The following ADAMTS19 variants were observed in gnomAD, a reference collection of about 807,000 sequenced individuals.
The protein encoded by ADAMTS19 is ADAM metallopeptidase with thrombospondin type 1 motif 19.
In ADAMTS19, 93 loss-of-function variants were observed where a neutral mutation model predicts 153.3. That is an observed-to-expected ratio of 0.61 (90% CI 0.51 to 0.72). The LOEUF is 0.72. Among genes scored for constraint, ADAMTS19 ranks in the 30% least tolerant of loss-of-function variants. ADAMTS19 has a pLI of 0.00. For missense variants in ADAMTS19, 1,482 were observed against 1,552.1 expected (o/e 0.95, Z 0.76); for synonymous variants, 600 against 556.6 (o/e 1.08, Z -1.10).
intron 2 of ADAMTS19, among the ~76,000 whole-genome samples, chr5:129,472,799 T>G (rs2126654282): frequency 6.7e-6 from 1 of 150,204 alleles, no homozygotes; most frequent in South Asian, 2.1e-4. Context: ...TACAATTTTA[T>G]ATTTATGTAT....
intron 7 of ADAMTS19, among the ~76,000 whole-genome samples, chr5:129,565,945 T>G (rs999956410): frequency 1.3e-5 from 2 of 152,142 alleles, no homozygotes; most frequent in Admixed American, 6.5e-5. Context: ...GTTTTTTTCC[T>G]TTTTGTTTAA....
At chr5:129,618,367 A>T (rs1751623982) in intron 8 of ADAMTS19, among the ~76,000 whole-genome samples, 1 of 152,036 alleles carries the variant, frequency 6.6e-6, no homozygotes, top group South Asian at 2.1e-4. Flanking sequence ...TTCTAACACC[A>T]AAAGTGAAAA....
intron 7 of ADAMTS19, among the ~76,000 whole-genome samples, chr5:129,571,622 T>C (rs1206781621): frequency 6.6e-6 from 1 of 151,704 alleles, no homozygotes; most frequent in African/African-American, 2.4e-5. Flanking sequence ...ACATTTAACA[T>C]AATGCAAATA....
Position 129,686,697 on chromosome 5 carries a change from G to T in ADAMTS19, c.2818+2424G>T, listed in dbSNP as rs368938223. 5.3e-5 allele frequency among the ~76,000 whole-genome samples: 8 copies of T among 152,168 alleles called. No individual in the cohort carries two copies. The East Asian group carries it at 1.5e-3, about 29-fold the overall frequency. On this transcript the variant is annotated intron_variant, in intron 18 of 22. Transcript: ENST00000274487. ...TGGGAAGGAGCATCCTTTGGCAGAG[G>T]GCTCAGAGCTTTGAGGTTCTCACCT...
In ADAMTS19 at chr5:129,532,728, A is replaced by G. The variant is rs192908358; in HGVS notation, c.1328+4051A>G. Among the ~76,000 whole-genome samples the G allele has an allele frequency of 2.6e-3, 396 of 152,284 alleles. 3 individuals are homozygous for G. The highest frequency in any genetic ancestry group is 9.0e-3 in the African/African-American group (376 of 41,574). On this transcript the variant is annotated intron_variant, in intron 6 of 22. Transcript: ENST00000274487. ...TTTTCATCTACAGGTGAATGGATGT[A>G]TTGTGTGATCATACAATTGAATACT...
At chr5:129,702,450 A>T (rs972142998) in intron 20 of ADAMTS19, among the ~76,000 whole-genome samples, 1 of 152,170 alleles carries the variant, frequency 6.6e-6, no homozygotes, top group Non-Finnish European at 1.5e-5. Context: ...AATGATAATT[A>T]AAAAATGCTG....
rs536433925 is a variant in ADAMTS19 at position 129,461,188 on chromosome 5, A to C, written c.178A>C (p.Ser60Arg). Reference sequence around the variant, plus strand: ...GGAGCCGGTGGACCCGGCTGGCGGCAGCGGGGGCAGCGCGGACCCGGGCTG... The same window carrying C: ...GGAGCCGGTGGACCCGGCTGGCGGCCGCGGGGGCAGCGCGGACCCGGGCTG... Reference protein sequence around the residue: ...RREPVDPAGGSGGSADPGWVR... With the variant: ...RREPVDPAGGRGGSADPGWVR... The change falls in exon 2 of 23, where the codon AGC (serine) becomes CGC (arginine). Residue 60 changes from serine (S) to arginine (R), a missense_variant. By Grantham distance (110) the Ser-to-Arg change is moderately radical. Coordinates refer to ENST00000274487, the MANE Select transcript of ADAMTS19 (RefSeq NM_133638.6). This position sits in a 1 kb window ranked among gnomAD's most constrained non-coding sequence, Gnocchi z 4.6. The C allele has an allele frequency of 1.7e-3, 2,244 of 1,354,438 alleles. 4 individuals carry two copies. The highest frequency in any genetic ancestry group is 2.0e-3 in the Non-Finnish European group (2,098 of 1,052,510). 83.9% of individuals were successfully genotyped at this position (1,354,438 alleles called of 1,614,324 possible).
chr5:129,461,368 G>A lies in ADAMTS19; in HGVS notation c.358G>A (p.Asp120Asn), dbSNP rs1749649092. Residue 120 changes from aspartate (D) to asparagine (N), a missense_variant, in exon 2 of 23, where the codon GAC (aspartate) becomes AAC (asparagine). Physicochemically the swap from Asp to Asn is conservative, Grantham distance 23 (BLOSUM62 1). Around this residue, in one of 2 missense-constraint regions of ADAMTS19, gnomAD observed 866 missense variants for 827.7 expected, o/e 1.05. Transcript: ENST00000274487. The surrounding 1 kb of genome is among the most constrained non-coding windows in gnomAD (Gnocchi z 4.6). ...CCCGCCGCCGTCGGAGGGTGAGGAG[G>A]ACGAGGAGCTCGAGTCGCAGGAGCT... ...RPPPPSEGEE[D>N]EELESQELPR... 12 of 1,347,312 alleles carry A rather than the reference G, an allele frequency of 8.9e-6. No homozygotes were observed. Among genetic ancestry groups the A allele is most frequent in the Non-Finnish European group, 1.1e-5 (12 of 1,060,220 alleles). The allele number at this position is 1,347,312 out of a possible 1,614,324, so 83.5% of individuals were successfully genotyped here. A position where few individuals can be genotyped will look rare whatever the true frequency, so the allele number is the denominator to read the frequency against.
intron 11 of ADAMTS19, among the ~76,000 whole-genome samples, chr5:129,645,885 A>ATTTTTTTTTTTTTTTTT (rs529444004): frequency 3.0e-4 from 29 of 97,094 alleles, no homozygotes; most frequent in African/African-American, 8.0e-4. Context: ...TCCTTTTCCA[A>ATTTTTTTTTTTTTTTTT]TTTTTTTTTT....
intron 7 of ADAMTS19, among the ~76,000 whole-genome samples, chr5:129,574,379 G>T (rs1318661450): frequency 6.6e-6 from 1 of 151,876 alleles, no homozygotes; most frequent in Non-Finnish European, 1.5e-5. Context: ...GTGCCATGGT[G>T]GTTTCTGCAC....
At chr5:129,477,310 C>A (rs749966566) in intron 2 of ADAMTS19, among the ~76,000 whole-genome samples, 3 of 152,132 alleles carry the variant, frequency 2.0e-5, no homozygotes, top group Non-Finnish European at 4.4e-5. Context: ...AAATAGATTT[C>A]ATTACTAATT....
chr5:129,679,916 C>T lies in ADAMTS19; in HGVS notation c.2659C>T (p.Leu887Phe). 1 of 1,612,280 alleles carries T rather than the reference C, an allele frequency of 6.2e-7. No homozygotes were observed. The highest frequency in any genetic ancestry group is 8.5e-7 in the Non-Finnish European group (1 of 1,179,350). ...AKGPTTAPLHLLVLLFQDQNY... is the reference protein window; with the variant it reads ...AKGPTTAPLHFLVLLFQDQNY... ...AGGTCCTACTACAGCACCTTTACAT[C>T]TTCTGGTATGAGGGAATGAATTGAT... Residue 887 changes from leucine (L) to phenylalanine (F), a missense_variant, in exon 17 of 23, where the codon CTT becomes TTT. Leu to Phe is a conservative substitution (Grantham distance 22). Coordinates refer to ENST00000274487, the MANE Select transcript of ADAMTS19 (RefSeq NM_133638.6).
intron 21 of ADAMTS19, among the ~76,000 whole-genome samples, chr5:129,711,411 CA>C (rs1348129274): frequency 6.6e-6 from 1 of 152,116 alleles, no homozygotes; most frequent in Admixed American, 6.5e-5. Context: ...CACGGTGGCT[CA>C]CGCCTGTAAT....
At chr5:129,663,448 G>C (rs1753907588) in intron 15 of ADAMTS19, among the ~76,000 whole-genome samples, 1 of 152,158 alleles carries the variant, frequency 6.6e-6, no homozygotes, top group Admixed American at 6.5e-5. Flanking sequence ...AAATTGCAAA[G>C]CCAAATTTAT....
chr5:129,528,462 G>T (rs1274162310), intron 5 of ADAMTS19, 58 bp from the exon 6 acceptor site: 6 of 1,327,564 alleles, frequency 4.5e-6, no homozygotes, highest in African/African-American at 1.5e-5. Context: ...TGTTGTTGTT[G>T]TTGTTTTGTA....
At chr5:129,656,194 T>C (rs879517329) in intron 14 of ADAMTS19, among the ~76,000 whole-genome samples, 33 of 152,182 alleles carry the variant, frequency 2.2e-4, no homozygotes, top group Non-Finnish European at 4.3e-4. Flanking sequence ...TTTGCACAAA[T>C]GCTATGTGGA....
chr5:129,637,251 G>A (rs30692), intron 10 of ADAMTS19, among the ~76,000 whole-genome samples: 6,904 of 152,116 alleles, frequency 0.045, 198 homozygotes, highest in Middle Eastern at 0.12. Flanking sequence ...CACATATTTT[G>A]TATCCACAGA....
intron 21 of ADAMTS19, among the ~76,000 whole-genome samples, chr5:129,733,899 A>T (rs926905647): frequency 6.6e-6 from 1 of 151,754 alleles, no homozygotes; most frequent in Non-Finnish European, 1.5e-5. Flanking sequence ...TTATGGAATC[A>T]ATCAAAGTGT....
chr5:129,474,513 C>T (rs1353847460), intron 2 of ADAMTS19, among the ~76,000 whole-genome samples: 1 of 152,012 alleles, frequency 6.6e-6, no homozygotes, highest in Non-Finnish European at 1.5e-5. Flanking sequence ...TTTATATTCC[C>T]CCCCAGTAAT....
Sources: allele counts gnomAD v4.1 joint callset (sites outside exome capture counted in the v4.1 genomes callset), GRCh38; gene constraint gnomAD v4.1.1; regional missense constraint gnomAD v4.1.1; non-coding constraint Gnocchi (gnomAD v3.1); transcripts MANE v1.5; gene names NCBI Gene and HGNC (gene_info 2026-07-23, HGNC 2026-07-21).